The following ARHGAP15 variants were observed in gnomAD, a reference collection of about 807,000 sequenced individuals.
The protein encoded by ARHGAP15 is Rho GTPase activating protein 15, also known as rho GTPase-activating protein 15.
ARHGAP15 carries 51 observed loss-of-function variants against 63.7 expected under a neutral mutation model. The observed-to-expected ratio is 0.80, with a 90% CI of 0.64 to 1.01. The LOEUF (loss-of-function observed/expected upper bound fraction) is 1.01. Among genes scored for constraint, ARHGAP15 ranks in the 50% least tolerant of loss-of-function variants. The pLI, the probability that ARHGAP15 is intolerant of heterozygous loss-of-function variation, is 0.00. For missense variants in ARHGAP15, 560 were observed against 564.6 expected, an observed-to-expected ratio of 0.99 and a Z score of 0.08; for synonymous variants, 191 against 193.8, an observed-to-expected ratio of 0.99 and a Z score of 0.12.
At chr2:143,669,752 T>C (rs1682421071) in intron 12 of ARHGAP15, among the ~76,000 whole-genome samples, 1 of 152,182 alleles carries the variant, frequency 6.6e-6, no homozygotes, top group Non-Finnish European at 1.5e-5. Context: ...TATTTTATAA[T>C]CCAGCAAAAC....
intron 6 of ARHGAP15, among the ~76,000 whole-genome samples, chr2:143,294,147 A>G (rs964371525): frequency 6.6e-6 from 1 of 152,016 alleles, no homozygotes; most frequent in African/African-American, 2.4e-5. Context: ...CTCTGTTGTT[A>G]TTCTTACATA....
At chr2:143,686,996 A>G (rs73961834) in intron 12 of ARHGAP15, among the ~76,000 whole-genome samples, 32 of 152,356 alleles carry the variant, frequency 2.1e-4, no homozygotes, top group African/African-American at 7.7e-4. Flanking sequence ...CATAAGGTAC[A>G]CTGAAGAATT....
intron 11 of ARHGAP15, among the ~76,000 whole-genome samples, chr2:143,574,201 T>C (rs1696575297): frequency 6.6e-6 from 1 of 152,110 alleles, no homozygotes; most frequent in South Asian, 2.1e-4. Flanking sequence ...TTTGGAATCA[T>C]CTCGTCAAAA....
intron 2 of ARHGAP15, among the ~76,000 whole-genome samples, chr2:143,167,151 C>G (rs1207242029): frequency 6.6e-6 from 1 of 152,066 alleles, no homozygotes; most frequent in African/African-American, 2.4e-5. Flanking sequence ...TTACTTTGAT[C>G]TTTGCTACTA....
In ARHGAP15 at chr2:143,471,262, AT is replaced by A. The variant is rs147664933; in HGVS notation, c.704-16110del. ...TATGTGTATATATACACACATATAT[AT>A]ATACACATAGAGAGCATGCATTTAT... On this transcript the variant is annotated intron_variant, in intron 8 of 13. Transcript: ENST00000295095. Among the ~76,000 whole-genome samples the A allele has an allele frequency of 7.2e-4, 106 of 147,266 alleles. 1 individual carries two copies. Among genetic ancestry groups the A allele is most frequent in the Non-Finnish European group, 1.3e-3 (87 of 67,540 alleles).
intron 5 of ARHGAP15, among the ~76,000 whole-genome samples, chr2:143,242,936 A>T (rs1693917301): frequency 6.6e-6 from 1 of 152,252 alleles, no homozygotes; most frequent in Admixed American, 6.5e-5. Context: ...TTTCAAAATG[A>T]TAAGGACAAT....
chr2:143,744,322 C>T (rs1686076927), intron 13 of ARHGAP15, among the ~76,000 whole-genome samples: 1 of 152,194 alleles, frequency 6.6e-6, no homozygotes, highest in African/African-American at 2.4e-5. Flanking sequence ...TGTTATTCTA[C>T]TGACAGTGTT....
intron 12 of ARHGAP15, among the ~76,000 whole-genome samples, chr2:143,646,046 C>T (rs898763976): frequency 2.6e-5 from 4 of 152,024 alleles, no homozygotes; most frequent in Non-Finnish European, 4.4e-5. Context: ...TTCTTCAGCA[C>T]GCACTAATGT....
chr2:143,688,372 A>G (rs1038373830), intron 12 of ARHGAP15, among the ~76,000 whole-genome samples: 10 of 152,206 alleles, frequency 6.6e-5, no homozygotes, highest in South Asian at 2.1e-4. Flanking sequence ...AGCAAACTCC[A>G]GAATGAACAG....
intron 12 of ARHGAP15, among the ~76,000 whole-genome samples, chr2:143,679,654 CGTGTGTGT>C (rs60643761): frequency 0.28 from 42,367 of 149,700 alleles, 7,161 homozygotes; most frequent in Admixed American, 0.39. Flanking sequence ...TGCGTGTGTG[CGTGTGTGT>C]GTGTGTGTGT....
intron 11 of ARHGAP15, among the ~76,000 whole-genome samples, chr2:143,594,891 A>C (rs1697453301): frequency 6.6e-6 from 1 of 152,192 alleles, no homozygotes; most frequent in Non-Finnish European, 1.5e-5. Flanking sequence ...TTATGACAGA[A>C]GGTGACAAAT....
intron 11 of ARHGAP15, among the ~76,000 whole-genome samples, chr2:143,576,956 G>C (rs1198956544): frequency 6.6e-6 from 1 of 152,080 alleles, no homozygotes; most frequent in African/African-American, 2.4e-5. Context: ...CTATCTTTCT[G>C]TCTACAAAGC....
intron 11 of ARHGAP15, among the ~76,000 whole-genome samples, chr2:143,609,792 G>T (rs1698183388): frequency 6.6e-6 from 1 of 152,124 alleles, no homozygotes; most frequent in Non-Finnish European, 1.5e-5. Context: ...CCAACGAGAG[G>T]CATCTGCAGC....
intron 6 of ARHGAP15, among the ~76,000 whole-genome samples, chr2:143,353,425 C>T (rs1168743783): frequency 6.6e-6 from 1 of 152,162 alleles, no homozygotes; most frequent in Non-Finnish European, 1.5e-5. Context: ...CAACTGTATA[C>T]TTATGTCTTG....
chr2:143,681,795 G>C (rs1469474185), intron 12 of ARHGAP15, among the ~76,000 whole-genome samples: 1 of 152,146 alleles, frequency 6.6e-6, no homozygotes, highest in African/African-American at 2.4e-5. Flanking sequence ...GAGGTGTTTT[G>C]TCTCTAAGCA....
At chr2:143,226,460 A>G (rs1167414308) in intron 4 of ARHGAP15, among the ~76,000 whole-genome samples, 2 of 152,242 alleles carry the variant, frequency 1.3e-5, no homozygotes, top group African/African-American at 2.4e-5. Context: ...CTGACCACGT[A>G]TGGTCAAAAT....
At chr2:143,727,541 C>T (rs1284297502) in intron 13 of ARHGAP15, among the ~76,000 whole-genome samples, 1 of 152,166 alleles carries the variant, frequency 6.6e-6, no homozygotes, top group Non-Finnish European at 1.5e-5. Context: ...TTAATATTTT[C>T]AGCAGCAGAG....
intron 6 of ARHGAP15, among the ~76,000 whole-genome samples, chr2:143,408,402 C>T (rs1244922451): frequency 6.6e-6 from 1 of 151,564 alleles, no homozygotes; most frequent in Non-Finnish European, 1.5e-5. Context: ...CTGGACCACA[C>T]TATTAAGATC....
chr2:143,360,961 A>C (rs1297040557), intron 6 of ARHGAP15, among the ~76,000 whole-genome samples: 2 of 152,166 alleles, frequency 1.3e-5, no homozygotes, highest in South Asian at 2.1e-4. Flanking sequence ...TGACATTAAC[A>C]ATGGGAAATG....
Sources: allele counts gnomAD v4.1 joint callset (sites outside exome capture counted in the v4.1 genomes callset), GRCh38; gene constraint gnomAD v4.1.1; transcripts MANE v1.5; gene names NCBI Gene and HGNC (gene_info 2026-07-23, HGNC 2026-07-21).